The following SLC37A3 variants were observed in gnomAD, a reference collection of about 807,000 sequenced individuals.
The protein encoded by SLC37A3 is sugar phosphate exchanger 3.
A neutral mutation model predicts 67.1 loss-of-function variants in SLC37A3; 51 were observed. That is an observed-to-expected ratio of 0.76 (90% CI 0.61 to 0.96). The LOEUF (loss-of-function observed/expected upper bound fraction) is 0.96. Ranked by LOEUF, SLC37A3 falls within the 40% of genes least tolerant of loss-of-function variation. The probability of loss-of-function intolerance (pLI) is 0.00; values close to 1 mark genes in which losing one functional copy is unlikely to be tolerated. For missense variants in SLC37A3, 508 were observed against 603.0 expected, an observed-to-expected ratio of 0.84 and a Z score of 1.65; for synonymous variants, 214 against 231.4, an observed-to-expected ratio of 0.92 and a Z score of 0.68.
chr7:140,347,556 T>A (rs1049091950), intron 10 of SLC37A3, among the ~76,000 whole-genome samples: 3 of 152,156 alleles, frequency 2.0e-5, no homozygotes, highest in African/African-American at 7.2e-5. Context: ...AATACAGTAA[T>A]AGCAGATTGC....
chr7:140,344,659 G>C (rs1796484748), intron 12 of SLC37A3, among the ~76,000 whole-genome samples: 1 of 152,154 alleles, frequency 6.6e-6, no homozygotes, highest in East Asian at 1.9e-4. Flanking sequence ...AGGAGGCTGA[G>C]GCAGGAGAAT....
chr7:140,381,096 C>A (rs1400781575), intron 2 of SLC37A3, among the ~76,000 whole-genome samples: 1 of 151,266 alleles, frequency 6.6e-6, no homozygotes. Flanking sequence ...CGGGGTTTCA[C>A]CATGTTGGCC....
intron 1 of SLC37A3, among the ~76,000 whole-genome samples, chr7:140,396,882 G>GT (rs199685905): frequency 0.055 from 5,524 of 100,692 alleles, 155 homozygotes; most frequent in African/African-American, 0.065. Flanking sequence ...CTCAATTTCT[G>GT]TTTTTTTTTT....
At chr7:140,338,170 G>A (rs770998583) in intron 13 of SLC37A3, among the ~76,000 whole-genome samples, 28 of 152,028 alleles carry the variant, frequency 1.8e-4, no homozygotes, top group Non-Finnish European at 3.5e-4. Context: ...GATTACAGGC[G>A]TACTGCGCCC....
intron 1 of SLC37A3, among the ~76,000 whole-genome samples, chr7:140,387,659 A>G (rs1194461429): frequency 8.6e-6 from 1 of 116,880 alleles, no homozygotes; most frequent in Non-Finnish European, 1.7e-5. Flanking sequence ...ATATTATATA[A>G]ATATAAATAT....
At chr7:140,361,736 G>T (rs1263759574) in intron 5 of SLC37A3, among the ~76,000 whole-genome samples, 180 of 149,728 alleles carry the variant, frequency 1.2e-3, no homozygotes, top group African/African-American at 4.1e-3. Context: ...TTTTTTGGTG[G>T]AGACGGGGTT....
intron 3 of SLC37A3, chr7:140,379,758 G>A (rs1798175484): frequency 6.6e-6 from 1 of 152,102 alleles, no homozygotes; most frequent in Non-Finnish European, 1.5e-5. Flanking sequence ...GCTGGGCATG[G>A]TGGTGCGCGA....
intron 14 of SLC37A3, among the ~76,000 whole-genome samples, 161 bp downstream of exon 14, chr7:140,337,117 AAAGAAG>A (rs1209375898): frequency 0.025 from 3,623 of 144,726 alleles, 103 homozygotes; most frequent in East Asian, 0.089. Context: ...AAAAAAAAAA[AAAGAAG>A]AAGAAGAAGA....
intron 6 of SLC37A3, among the ~76,000 whole-genome samples, chr7:140,357,832 G>A (rs1047976289): frequency 5.9e-5 from 9 of 151,514 alleles, no homozygotes; most frequent in Non-Finnish European, 1.2e-4. Flanking sequence ...CAGGAGAATC[G>A]CTTGAACCTG....
intron 7 of SLC37A3, among the ~76,000 whole-genome samples, chr7:140,355,455 C>A (rs1461507809): frequency 6.6e-6 from 1 of 152,138 alleles, no homozygotes; most frequent in African/African-American, 2.4e-5. Context: ...CTCGGCTGAT[C>A]CGCCTGCCTT....
intron 3 of SLC37A3, among the ~76,000 whole-genome samples, chr7:140,376,074 C>T (rs1294458326): frequency 6.8e-6 from 1 of 146,964 alleles, no homozygotes. Context: ...TTCCTTTACT[C>T]CTCCAAGAAG....
intron 2 of SLC37A3, 62 bp downstream of exon 2, chr7:140,382,376 C>T (rs1181272251): frequency 5.8e-6 from 8 of 1,385,862 alleles, no homozygotes; most frequent in Non-Finnish European, 6.1e-6. Flanking sequence ...ACTTGCCATG[C>T]AATATCTCCC....
intron 3 of SLC37A3, among the ~76,000 whole-genome samples, chr7:140,375,369 G>A (rs763695990): frequency 5.3e-5 from 8 of 151,672 alleles, no homozygotes; most frequent in Middle Eastern, 3.4e-3. Context: ...CAGCTACTCC[G>A]TAGGCTGAGA....
intron 5 of SLC37A3, among the ~76,000 whole-genome samples, chr7:140,362,782 T>A (rs1198162940): frequency 1.4e-5 from 1 of 70,440 alleles, no homozygotes; most frequent in Non-Finnish European, 2.9e-5. Context: ...GGTGGGGGGA[T>A]CAGCCCCCCG....
At chr7:140,356,020 C>A (rs1432413225) in intron 6 of SLC37A3, among the ~76,000 whole-genome samples, 1 of 151,880 alleles carries the variant, frequency 6.6e-6, no homozygotes, top group Non-Finnish European at 1.5e-5. Context: ...CATGGAGAAA[C>A]CCCATCTCTA....
chr7:140,343,629 CA>C, intron 12 of SLC37A3, 66 bp from the exon 13 acceptor site: 2 of 1,502,272 alleles, frequency 1.3e-6, no homozygotes, highest in South Asian at 1.2e-5. Flanking sequence ...CTGCATAAGG[CA>C]AAATAATATC....
At chr7:140,383,395 C>T (rs1440955094) in intron 1 of SLC37A3, among the ~76,000 whole-genome samples, 2 of 152,178 alleles carry the variant, frequency 1.3e-5, no homozygotes, top group South Asian at 4.1e-4. Flanking sequence ...CCCTTGAGTC[C>T]AGGAGTTCGA....
chr7:140,345,388 A>C (rs1038716593), intron 11 of SLC37A3, 125 bp from the exon 12 acceptor site: 1 of 697,268 alleles, frequency 1.4e-6, no homozygotes, highest in Non-Finnish European at 2.6e-6. Context: ...CAACAAAGAG[A>C]CACAACTCTC....
At chr7:140,351,251 G>T (rs1407520273) in intron 9 of SLC37A3, 22 bp downstream of exon 9, 1 of 1,603,162 alleles carries the variant, frequency 6.2e-7, no homozygotes. Context: ...CCTGGCTGTG[G>T]TAAGATGTAA....
Sources: allele counts gnomAD v4.1 joint callset (sites outside exome capture counted in the v4.1 genomes callset), GRCh38; gene constraint gnomAD v4.1.1; transcripts MANE v1.5; gene names NCBI Gene and HGNC (gene_info 2026-07-23, HGNC 2026-07-21).